MOB3B: variants seen among roughly 807,000 people sequenced by gnomAD.
MOB3B encodes MOB kinase activator 3B.
Under a neutral mutation model 18.7 loss-of-function variants are expected in MOB3B, and 7 were observed. The observed-to-expected ratio is 0.37, with a 90% CI of 0.21 to 0.70. The LOEUF (loss-of-function observed/expected upper bound fraction) is 0.70, where lower values mean the gene tolerates loss of function less well. Ranked by LOEUF, MOB3B falls within the 30% of genes least tolerant of loss-of-function variation. The pLI is 0.52. For missense variants in MOB3B, 253 were observed against 281.3 expected (o/e 0.90, Z 0.72); for synonymous variants, 111 against 99.9 (o/e 1.11, Z -0.66).
intron 3 of MOB3B, among the ~76,000 whole-genome samples, chr9:27,338,906 G>A (rs906484881): frequency 2.0e-5 from 3 of 152,234 alleles, no homozygotes; most frequent in Non-Finnish European, 4.4e-5. Flanking sequence ...AACTCCACAA[G>A]TGGGGCCTCC....
chr9:27,423,840 A>T (rs2131415078), intron 2 of MOB3B, among the ~76,000 whole-genome samples: 1 of 152,386 alleles, frequency 6.6e-6, no homozygotes, highest in South Asian at 2.1e-4. Flanking sequence ...AGATCTTATT[A>T]TAAGACAGGT....
intron 2 of MOB3B, among the ~76,000 whole-genome samples, chr9:27,414,656 C>T (rs1414044760): frequency 6.6e-6 from 1 of 152,174 alleles, no homozygotes; most frequent in Non-Finnish European, 1.5e-5. Context: ...GTGCAGTTTT[C>T]AAAGTGCTGC....
At chr9:27,514,981 T>A (rs1351753144) in intron 1 of MOB3B, among the ~76,000 whole-genome samples, 3 of 152,212 alleles carry the variant, frequency 2.0e-5, no homozygotes, top group Non-Finnish European at 4.4e-5. Flanking sequence ...CTCCCAGAAC[T>A]CAGTACCAAG....
intron 1 of MOB3B, among the ~76,000 whole-genome samples, chr9:27,496,378 T>C (rs1224533807): frequency 1.3e-5 from 2 of 152,244 alleles, no homozygotes; most frequent in Non-Finnish European, 1.5e-5. Context: ...TCTATTTACA[T>C]AGCATGCATT....
At chr9:27,361,239 G>A (rs1452055255) in intron 2 of MOB3B, among the ~76,000 whole-genome samples, 2 of 152,148 alleles carry the variant, frequency 1.3e-5, no homozygotes, top group African/African-American at 4.8e-5. Flanking sequence ...GCTAAAAAGT[G>A]GTAGGGCTGG....
chr9:27,414,046 T>C (rs1412821563), intron 2 of MOB3B, among the ~76,000 whole-genome samples: 1 of 152,208 alleles, frequency 6.6e-6, no homozygotes, highest in African/African-American at 2.4e-5. Context: ...GCAACAAATA[T>C]CTTGGAACAT....
chr9:27,467,756 G>C (rs1043520789), intron 1 of MOB3B, among the ~76,000 whole-genome samples: 1 of 152,242 alleles, frequency 6.6e-6, no homozygotes, highest in Non-Finnish European at 1.5e-5. Context: ...GCTACCTGCT[G>C]CTTCCCCAGC....
At chr9:27,403,837 C>T (rs1821923993) in intron 2 of MOB3B, among the ~76,000 whole-genome samples, 2 of 152,032 alleles carry the variant, frequency 1.3e-5, no homozygotes, top group Non-Finnish European at 2.9e-5. Context: ...TTATGGGGCA[C>T]ATGTGATATT....
intron 1 of MOB3B, among the ~76,000 whole-genome samples, chr9:27,487,038 C>T (rs1191034415): frequency 3.3e-5 from 5 of 151,742 alleles, no homozygotes; most frequent in Admixed American, 6.6e-5. Flanking sequence ...GGCTGAGGAA[C>T]GAGAATCACT....
intron 2 of MOB3B, chr9:27,421,127 G>GAAACA: frequency 6.5e-6 from 1 of 152,738 alleles, no homozygotes; most frequent in South Asian, 2.1e-4. Context: ...TTTCGCTCTT[G>GAAACA]TTGCCCAGGC....
intron 2 of MOB3B, among the ~76,000 whole-genome samples, chr9:27,363,004 T>G (rs1354664433): frequency 1.3e-5 from 2 of 152,170 alleles, no homozygotes; most frequent in African/African-American, 4.8e-5. Context: ...TCTATGTAAC[T>G]AACCTCATGG....
intron 2 of MOB3B, among the ~76,000 whole-genome samples, chr9:27,385,251 G>C (rs951977428): frequency 3.3e-5 from 5 of 152,124 alleles, no homozygotes; most frequent in Non-Finnish European, 7.3e-5. Flanking sequence ...TTATAGCAAA[G>C]TAGGACACAC....
chr9:27,501,011 CA>C (rs1437500052), intron 1 of MOB3B, among the ~76,000 whole-genome samples: 1 of 152,104 alleles, frequency 6.6e-6, no homozygotes, highest in African/African-American at 2.4e-5. Context: ...ACCTCATCAT[CA>C]CTGGTCATTA....
chr9:27,342,665 G>A (rs925354283), intron 3 of MOB3B, among the ~76,000 whole-genome samples: 53 of 152,274 alleles, frequency 3.5e-4, no homozygotes, highest in Admixed American at 7.8e-4. Flanking sequence ...ACGGGGTTTC[G>A]CCTTGTTGGC....
At chr9:27,414,947 C>T (rs1008412307) in intron 2 of MOB3B, among the ~76,000 whole-genome samples, 5 of 152,170 alleles carry the variant, frequency 3.3e-5, no homozygotes, top group South Asian at 2.1e-4. Context: ...CCACAACCTC[C>T]GCCTCCGGGG....
At chr9:27,402,879 C>T (rs913712516) in intron 2 of MOB3B, among the ~76,000 whole-genome samples, 2 of 152,220 alleles carry the variant, frequency 1.3e-5, no homozygotes, top group Admixed American at 6.5e-5. Flanking sequence ...TCAGAGACAG[C>T]CAACAGCTTG....
intron 2 of MOB3B, among the ~76,000 whole-genome samples, chr9:27,440,730 AT>A (rs34038356): frequency 6.6e-6 from 1 of 150,988 alleles, no homozygotes; most frequent in East Asian, 1.9e-4. Flanking sequence ...CAGAAGATTC[AT>A]TTTTTTTTTA....
intron 1 of MOB3B, among the ~76,000 whole-genome samples, chr9:27,505,713 C>G (rs1820048089): frequency 6.6e-6 from 1 of 152,194 alleles, no homozygotes; most frequent in African/African-American, 2.4e-5. Context: ...TATTAATTCT[C>G]CTGGAGTGGT....
intron 2 of MOB3B, among the ~76,000 whole-genome samples, chr9:27,388,629 A>G (rs1267038624): frequency 2.0e-5 from 3 of 152,056 alleles, no homozygotes; most frequent in Non-Finnish European, 4.4e-5. Context: ...CCATTCCCCC[A>G]AGTCCCCAAA....
Sources: gnomAD v4.1 joint callset for allele counts (sites outside exome capture counted in the v4.1 genomes callset) on GRCh38, gnomAD v4.1.1 for gene constraint, MANE v1.5 for transcripts, NCBI Gene and HGNC (gene_info 2026-07-23, HGNC 2026-07-21) for gene names.